Variants in GAS2 observed in about 807,000 individuals in gnomAD.
GAS2 encodes growth arrest specific 2, also known as growth arrest-specific protein 2.
GAS2 carries 20 observed loss-of-function variants against 37.5 expected under a neutral mutation model. The ratio of observed to expected loss-of-function variants is 0.53; its 90% CI spans 0.37 to 0.77. The LOEUF (loss-of-function observed/expected upper bound fraction) is 0.77, where lower values mean the gene tolerates loss of function less well. GAS2 is among the 30% of genes least tolerant of loss of function. The pLI is 0.00. For synonymous variants in GAS2, 144 were observed against 132.2 expected, an observed-to-expected ratio of 1.09 and a Z score of -0.61; for missense variants, 336 against 373.4, an observed-to-expected ratio of 0.90 and a Z score of 0.82.
chr11:22,812,037 G>A lies in GAS2; in HGVS notation c.*21G>A. The stretch of plus-strand genomic sequence containing the variant: ...AGTGAAACAAATTGGTCATGACAAG[G>A]GGACCCTCATAATGGCCTGTATCCA... On this transcript the variant is annotated 3_prime_UTR_variant, in exon 8 of 8. Transcript: ENST00000454584. 3 of 1,577,986 alleles carry A rather than the reference G, an allele frequency of 1.9e-6. No individual in the cohort carries two copies. The South Asian group carries it at 3.3e-5, about 17-fold the overall frequency.
At chr11:22,644,852 G>T (rs1848670766) in intron 1 of GAS2, among the ~76,000 whole-genome samples, 1 of 152,076 alleles carries the variant, frequency 6.6e-6, no homozygotes, top group Non-Finnish European at 1.5e-5. Context: ...TGAACCCCTG[G>T]ACTCAAAGTG....
intron 1 of GAS2, among the ~76,000 whole-genome samples, chr11:22,645,625 T>C (rs1323086801): frequency 6.6e-6 from 1 of 152,024 alleles, no homozygotes; most frequent in Non-Finnish European, 1.5e-5. Context: ...TTCTAAATAA[T>C]ATTCTTATTA....
chr11:22,751,748 A>G (rs1476727588), intron 6 of GAS2, among the ~76,000 whole-genome samples: 1 of 151,962 alleles, frequency 6.6e-6, no homozygotes, highest in East Asian at 1.9e-4. Flanking sequence ...ATGGGGAGAA[A>G]AAGAAGAGAG....
chr11:22,697,834 G>A (rs531622574), intron 3 of GAS2, among the ~76,000 whole-genome samples: 52 of 152,264 alleles, frequency 3.4e-4, no homozygotes, highest in African/African-American at 1.2e-3. Context: ...TCAGCTTAAG[G>A]AGATTTTGGG....
At chr11:22,668,971 G>A (rs759993482) in intron 1 of GAS2, among the ~76,000 whole-genome samples, 8 of 152,190 alleles carry the variant, frequency 5.3e-5, no homozygotes, top group Non-Finnish European at 1.2e-4. Flanking sequence ...TGGAGTAACA[G>A]TAGAAAATAA....
chr11:22,765,533 A>G (rs1046971133), intron 7 of GAS2, among the ~76,000 whole-genome samples: 1 of 152,182 alleles, frequency 6.6e-6, no homozygotes, highest in Admixed American at 6.5e-5. Flanking sequence ...TAATCCCAGC[A>G]CTTTGGGAGG....
At chr11:22,719,419 CA>C (rs1479297346) in intron 3 of GAS2, among the ~76,000 whole-genome samples, 1 of 151,970 alleles carries the variant, frequency 6.6e-6, no homozygotes, top group Non-Finnish European at 1.5e-5. Flanking sequence ...CAGTTCACAG[CA>C]AAATTGAGTG....
intron 1 of GAS2, chr11:22,672,459 T>A (rs898686280): frequency 1.3e-4 from 20 of 152,188 alleles, no homozygotes; most frequent in African/African-American, 4.3e-4. Flanking sequence ...TTAGGCTTAC[T>A]GTAAACTATC....
chr11:22,675,138 AT>A, intron 2 of GAS2, 124 bp downstream of exon 2: 1 of 990,034 alleles, frequency 1.0e-6, no homozygotes, highest in Non-Finnish European at 1.4e-6. Flanking sequence ...ATTATTTGAC[AT>A]TTGCATCTGG....
chr11:22,695,251 C>T (rs907891797), intron 3 of GAS2, among the ~76,000 whole-genome samples: 10 of 151,590 alleles, frequency 6.6e-5, no homozygotes, highest in Non-Finnish European at 1.5e-4. Context: ...ACCTGGGAGG[C>T]GGAGGTTGCA....
intron 7 of GAS2, among the ~76,000 whole-genome samples, chr11:22,797,056 T>C (rs1424119532): frequency 1.3e-5 from 2 of 152,128 alleles, no homozygotes; most frequent in African/African-American, 4.8e-5. Context: ...ATTATGACTT[T>C]GTCTTCTCTG....
At chr11:22,733,575 A>T (rs182935180) in intron 4 of GAS2, among the ~76,000 whole-genome samples, 1 of 151,778 alleles carries the variant, frequency 6.6e-6, no homozygotes, top group Non-Finnish European at 1.5e-5. Flanking sequence ...ATTCTGTGAC[A>T]TTGAAATTCT....
chr11:22,760,114 A>G (rs1478984157), intron 7 of GAS2, among the ~76,000 whole-genome samples: 2 of 149,142 alleles, frequency 1.3e-5, no homozygotes, highest in Non-Finnish European at 1.5e-5. Flanking sequence ...GTACCATCAC[A>G]CCCAACTAAT....
chr11:22,726,625 T>C (rs1852229716), intron 4 of GAS2, among the ~76,000 whole-genome samples, 192 bp downstream of exon 4: 1 of 152,128 alleles, frequency 6.6e-6, no homozygotes, highest in East Asian at 1.9e-4. Context: ...GAATATGCCC[T>C]CTTACTATTG....
intron 1 of GAS2, among the ~76,000 whole-genome samples, chr11:22,635,377 A>G (rs1341272682): frequency 2.0e-5 from 3 of 152,158 alleles, no homozygotes; most frequent in Non-Finnish European, 2.9e-5. Flanking sequence ...AAGAATCCAT[A>G]TGGTGAGCAG....
At chr11:22,732,772 TCA>T in intron 4 of GAS2, among the ~76,000 whole-genome samples, 1 of 95,122 alleles carries the variant, frequency 1.1e-5, no homozygotes, top group Admixed American at 1.1e-4. Flanking sequence ...CCTCCATTTA[TCA>T]TCATCATCAT....
intron 3 of GAS2, among the ~76,000 whole-genome samples, chr11:22,716,658 GA>G (rs1565106004): frequency 1.2e-4 from 17 of 140,740 alleles, no homozygotes; most frequent in Admixed American, 7.1e-5. Context: ...AAAAAAAAAA[GA>G]AAAAAAGAAA....
chr11:22,683,342 T>C (rs898293044), intron 2 of GAS2, among the ~76,000 whole-genome samples: 2 of 152,174 alleles, frequency 1.3e-5, no homozygotes, highest in Non-Finnish European at 2.9e-5. Flanking sequence ...ATCTGCTCAC[T>C]GCAACCTCCG....
At chr11:22,651,353 T>G (rs1331460144) in intron 1 of GAS2, among the ~76,000 whole-genome samples, 1 of 152,174 alleles carries the variant, frequency 6.6e-6, no homozygotes, top group Non-Finnish European at 1.5e-5. Context: ...CCCTTAACAT[T>G]TTTTCCTTCA....
Sources: allele counts gnomAD v4.1 joint callset (sites outside exome capture counted in the v4.1 genomes callset), GRCh38; gene constraint gnomAD v4.1.1; transcripts MANE v1.5; gene names NCBI Gene and HGNC (gene_info 2026-07-23, HGNC 2026-07-21).